ALMS1: variants seen among roughly 807,000 people sequenced by gnomAD.
ALMS1 encodes ALMS1 centrosome and basal body associated protein.
In ALMS1, 271 loss-of-function variants were observed where a neutral mutation model predicts 352.2. That is an observed-to-expected ratio of 0.77 (90% confidence interval 0.70 to 0.85). The LOEUF is 0.85. Among genes scored for constraint, ALMS1 ranks in the 40% least tolerant of loss-of-function variants. The pLI is 0.00. For synonymous variants in ALMS1, 1,865 were observed against 1,761.2 expected (o/e 1.06, Z -1.48); for missense variants, 5,445 against 4,870.7 (o/e 1.12, Z -3.51).
At chr2:73,492,553 A>G (rs1046703666) in intron 10 of ALMS1, among the ~76,000 whole-genome samples, 2 of 152,158 alleles carry the variant, frequency 1.3e-5, no homozygotes, top group Non-Finnish European at 2.9e-5. Flanking sequence ...AACACTTCCA[A>G]CCATGATGCT....
chr2:73,525,093 A>C (rs1673761687), intron 11 of ALMS1, among the ~76,000 whole-genome samples: 1 of 152,190 alleles, frequency 6.6e-6, no homozygotes, highest in East Asian at 1.9e-4. Flanking sequence ...TTGGCTAAAT[A>C]GTATTCCATT....
chr2:73,453,358 C>A lies in ALMS1; in HGVS notation c.6831C>A (p.Cys2277Ter), dbSNP rs761713440. ...CAGAAAATATGGCACTGAAACGATGCAATTTTCCTGCTCCCCTTGCCCGTT... is the reference window on the plus strand; with the variant it reads ...CAGAAAATATGGCACTGAAACGATGAAATTTTCCTGCTCCCCTTGCCCGTT... ...MEAENMALKR[C>*]NFPAPLARFR... The change falls in exon 8 of 23, where the codon TGC becomes TGA. Residue 2277 changes from cysteine to a stop codon, truncating the protein, a stop_gained. Transcript: ENST00000613296. LOFTEE classifies it high-confidence loss of function. 1.2e-6 allele frequency: 2 copies of A among 1,613,800 alleles called. No homozygotes were observed. Among genetic ancestry groups the A allele is most frequent in the Admixed American group, 3.3e-5 (2 of 59,950 alleles).
intron 9 of ALMS1, among the ~76,000 whole-genome samples, chr2:73,489,189 C>T (rs1186203545): frequency 6.6e-6 from 1 of 152,140 alleles, no homozygotes; most frequent in African/African-American, 2.4e-5. Flanking sequence ...ATTTTAAGGA[C>T]AGGAAGCAGA....
At chr2:73,426,910 C>A (rs1346431921) in intron 6 of ALMS1, among the ~76,000 whole-genome samples, 1 of 152,088 alleles carries the variant, frequency 6.6e-6, no homozygotes, top group Non-Finnish European at 1.5e-5. Context: ...AAATTATATC[C>A]TTCAGTACCA....
intron 7 of ALMS1, among the ~76,000 whole-genome samples, chr2:73,433,979 T>G (rs7599369): frequency 3.9e-5 from 6 of 152,136 alleles, no homozygotes; most frequent in Non-Finnish European, 5.9e-5. Context: ...TTTTAGTAAC[T>G]TAAGTTTTCC....
chr2:73,551,584 G>A (rs1183840239), intron 13 of ALMS1, among the ~76,000 whole-genome samples: 7 of 151,574 alleles, frequency 4.6e-5, no homozygotes, highest in Non-Finnish European at 7.4e-5. Flanking sequence ...ACAGGCACCC[G>A]CCTCCACACC....
chr2:73,577,194 A>G (rs1041881988), intron 16 of ALMS1, among the ~76,000 whole-genome samples: 2 of 152,144 alleles, frequency 1.3e-5, no homozygotes, highest in Admixed American at 1.3e-4. Flanking sequence ...TTGGTTTTTG[A>G]TAATGAGTTT....
rs115517108 is a variant in ALMS1, at chr2:73,450,681, C to G, written c.4154C>G (p.Thr1385Arg). The change falls in exon 8 of 23, where the codon ACA becomes AGA. Residue 1385 changes from threonine (T) to arginine (R), a missense_variant. Physicochemically the swap from Thr to Arg is moderately conservative, Grantham distance 71. Transcript: ENST00000613296. ...ACCTCTACTTCTTACTCACAACATA[C>G]AGAGAAGCCGAGTATTTTCTACCAA... ...TVTSTSYSQH[T>R]EKPSIFYQQS... The G allele has an allele frequency of 3.2e-3, 5,078 of 1,610,408 alleles. 153 individuals carry two copies. The African/African-American group carries it at 0.059, about 19-fold the overall frequency.
chr2:73,512,377 C>G (rs557888192), intron 10 of ALMS1, among the ~76,000 whole-genome samples: 5 of 151,822 alleles, frequency 3.3e-5, no homozygotes, highest in African/African-American at 1.2e-4. Context: ...GCTACCACGC[C>G]TGTCCACTGT....
At chr2:73,485,165 T>C (rs1017359440) in intron 9 of ALMS1, among the ~76,000 whole-genome samples, 1 of 152,256 alleles carries the variant, frequency 6.6e-6, no homozygotes, top group African/African-American at 2.4e-5. Flanking sequence ...TTTTTAGAGT[T>C]TCCAGTTTTT....
At position 73,489,846 on chromosome 2, in the gene ALMS1, T is replaced by C. The variant is rs1277528063; in HGVS notation, c.7887T>C (p.Leu2629=). Residue 2629 remains leucine (L), a synonymous_variant, in exon 10 of 23, where the codon CTT becomes CTC. Transcript: ENST00000613296. ...CATGCAGAGCCAAGCATGTCAACCT[T>C]TCTGCATCCTTAGACCAGAACAACT... ...PSSCRAKHVN[L]SASLDQNNSH... 6.2e-7 allele frequency: 1 copy of C among 1,614,186 alleles called. No homozygotes were observed.
At chr2:73,551,583 C>T (rs1041704919) in intron 13 of ALMS1, among the ~76,000 whole-genome samples, 1 of 151,564 alleles carries the variant, frequency 6.6e-6, no homozygotes, top group Admixed American at 6.6e-5. Context: ...TACAGGCACC[C>T]GCCTCCACAC....
In ALMS1 at chr2:73,568,995, C is replaced by CTTTTTTTTTTTTTTTTTTTT. The variant is rs747436819; in HGVS notation, c.10385-3249_10385-3230dup. On this transcript the variant is annotated intron_variant, in intron 15 of 22. Transcript: ENST00000613296. The stretch of plus-strand genomic sequence containing the variant: ...AGCTTGCTTGCTGCTGCTTCTGCTT[C>CTTTTTTTTTTTTTTTTTTTT]TTTTTTTTTTTTTTTTTTTTTTTTT... 1.7e-4 allele frequency among the ~76,000 whole-genome samples: 9 copies of CTTTTTTTTTTTTTTTTTTTT among 53,556 alleles called. 3 individuals carry two copies. Among genetic ancestry groups the CTTTTTTTTTTTTTTTTTTTT allele is most frequent in the East Asian group, 5.1e-4 (1 of 1,976 alleles). 35.1% of individuals were successfully genotyped at this position (53,556 alleles called of 152,430 possible).
chr2:73,515,193 T>G (rs942872143), intron 10 of ALMS1, among the ~76,000 whole-genome samples: 4 of 152,176 alleles, frequency 2.6e-5, no homozygotes, highest in African/African-American at 9.7e-5. Flanking sequence ...CAGTGTCTAT[T>G]TGCTTCTACT....
chr2:73,494,521 C>T (rs115797820), intron 10 of ALMS1, among the ~76,000 whole-genome samples: 269 of 152,248 alleles, frequency 1.8e-3, no homozygotes, highest in African/African-American at 6.1e-3. Context: ...CCCAGGATTC[C>T]GTCTTGCATT....
chr2:73,502,957 G>A (rs1043031338), intron 10 of ALMS1, among the ~76,000 whole-genome samples: 5 of 152,044 alleles, frequency 3.3e-5, no homozygotes, highest in African/African-American at 4.8e-5. Context: ...AATCACTTTC[G>A]TGTAATATAG....
At chr2:73,418,243 C>T (rs1050006328) in intron 2 of ALMS1, among the ~76,000 whole-genome samples, 4 of 152,164 alleles carry the variant, frequency 2.6e-5, no homozygotes, top group Admixed American at 6.5e-5. Context: ...AGAAGCAGTT[C>T]TCTGGATCTT....
chr2:73,490,243 A>T lies in ALMS1; in HGVS notation c.8284A>T (p.Arg2762Ter), dbSNP rs1354214090. The T allele has an allele frequency of 6.2e-7, 1 of 1,614,062 alleles. No homozygotes were observed. The highest frequency in any genetic ancestry group is 8.5e-7 in the Non-Finnish European group (1 of 1,180,024). The stretch of plus-strand genomic sequence containing the variant: ...TTTCACTGAAGAACAAAATCCTCCC[A>T]GAGATCTTAAACAGAAAACCTCTTC... ...SHFTEEQNPP[R>*]DLKQKTSSPS... is the part of the protein sequence containing the mutation. The change falls in exon 10 of 23, where the codon AGA becomes TGA. Residue 2762 changes from arginine (R) to a stop codon, truncating the protein, a stop_gained. Coordinates refer to ENST00000613296, the MANE Select transcript of ALMS1 (RefSeq NM_001378454.1). LOFTEE classifies it high-confidence loss of function.
At chr2:73,440,705 G>A (rs1314387410) in intron 7 of ALMS1, among the ~76,000 whole-genome samples, 5 of 152,302 alleles carry the variant, frequency 3.3e-5, no homozygotes, top group South Asian at 4.1e-4. Context: ...GATTATAGGC[G>A]TGAGCAACCA....
Sources: allele counts gnomAD v4.1 joint callset (sites outside exome capture counted in the v4.1 genomes callset), GRCh38; gene constraint gnomAD v4.1.1; transcripts MANE v1.5; gene names NCBI Gene and HGNC (gene_info 2026-07-23, HGNC 2026-07-21).